Variants in RAP1A observed in about 807,000 individuals in gnomAD.
RAP1A encodes the protein RAP1A, member of RAS oncogene family.
Under a neutral mutation model 26.4 loss-of-function variants are expected in RAP1A, and 6 were observed. The ratio of observed to expected loss-of-function variants is 0.23; its 90% CI spans 0.12 to 0.45. RAP1A has a LOEUF of 0.45. RAP1A is among the 20% of genes least tolerant of loss of function. The probability of loss-of-function intolerance (pLI) is 0.99; values close to 1 mark genes in which losing one functional copy is unlikely to be tolerated. For synonymous variants in RAP1A, 73 were observed against 79.4 expected (o/e 0.92, Z 0.43); for missense variants, 121 against 217.2 (o/e 0.56, Z 2.78).
intron 1 of RAP1A, among the ~76,000 whole-genome samples, chr1:111,622,627 G>A (rs1407463452): frequency 6.6e-6 from 1 of 152,128 alleles, no homozygotes; most frequent in Non-Finnish European, 1.5e-5. Flanking sequence ...ACATTCCATG[G>A]TAATGTCGCT....
chr1:111,651,840 T>G (rs1490907969), intron 1 of RAP1A, among the ~76,000 whole-genome samples: 1 of 152,050 alleles, frequency 6.6e-6, no homozygotes, highest in Non-Finnish European at 1.5e-5. Context: ...TCTCGATCTC[T>G]TGACCTCATG....
chr1:111,626,381 ACAC>A (rs1659398057), intron 1 of RAP1A, among the ~76,000 whole-genome samples: 1 of 151,050 alleles, frequency 6.6e-6, no homozygotes, highest in Non-Finnish European at 1.5e-5. Context: ...ACACACACAC[ACAC>A]ACACACACAC....
chr1:111,573,998 C>G (rs1025935069), intron 1 of RAP1A, among the ~76,000 whole-genome samples: 1 of 152,064 alleles, frequency 6.6e-6, no homozygotes, highest in Non-Finnish European at 1.5e-5. Flanking sequence ...TTGTTGCAAT[C>G]GCTTTTGACA....
intron 1 of RAP1A, among the ~76,000 whole-genome samples, chr1:111,594,196 G>C (rs1658519878): frequency 6.6e-6 from 1 of 152,170 alleles, no homozygotes; most frequent in Non-Finnish European, 1.5e-5. Flanking sequence ...TTGATCTTGA[G>C]AGGAAGTGGG....
chr1:111,671,018 T>C (rs72697809), intron 1 of RAP1A, among the ~76,000 whole-genome samples: 19,301 of 152,276 alleles, frequency 0.13, 1,552 homozygotes, highest in South Asian at 0.18. Flanking sequence ...TTACTAAAGA[T>C]TGTGGTAAAG....
In RAP1A at chr1:111,699,523, G is replaced by A. The variant is rs190879209; in HGVS notation, c.183+2026G>A. On this transcript the variant is annotated intron_variant, in intron 4 of 7. Coordinates refer to ENST00000369709, the MANE Select transcript of RAP1A (RefSeq NM_002884.4). ...GTCACCCAGGCTGGAGTGCAGTGGTGTGAACACAGATCACTGCAGCTTCAA... is the reference window on the plus strand; with the variant it reads ...GTCACCCAGGCTGGAGTGCAGTGGTATGAACACAGATCACTGCAGCTTCAA... Among the ~76,000 whole-genome samples the A allele has an allele frequency of 4.2e-5, 6 of 142,242 alleles. No homozygotes were observed. In the East Asian group the frequency reaches 6.3e-4, roughly 15 times the overall value. The allele number at this position is 142,242 out of a possible 152,430, so 93.3% of individuals were successfully genotyped here.
intron 1 of RAP1A, among the ~76,000 whole-genome samples, chr1:111,566,125 T>A (rs903292353): frequency 5.9e-5 from 9 of 151,980 alleles, no homozygotes; most frequent in Admixed American, 1.3e-4. Context: ...TGAACTTCAT[T>A]GTGAGTATAA....
intron 1 of RAP1A, among the ~76,000 whole-genome samples, chr1:111,571,778 A>G (rs1333323731): frequency 6.6e-6 from 1 of 152,246 alleles, no homozygotes; most frequent in Non-Finnish European, 1.5e-5. Flanking sequence ...TCATTCTGCT[A>G]GAAGAACATA....
At chr1:111,686,818 C>T (rs1661496704) in intron 1 of RAP1A, 1 of 151,288 alleles carries the variant, frequency 6.6e-6, no homozygotes, top group African/African-American at 2.4e-5. Context: ...ATCCAGGGTT[C>T]CCAATACTCT....
chr1:111,593,589 T>C (rs1036684774), intron 1 of RAP1A, among the ~76,000 whole-genome samples: 3 of 147,820 alleles, frequency 2.0e-5, no homozygotes, highest in African/African-American at 5.0e-5. Context: ...TGCTGCCCCA[T>C]AGGGCCAGCT....
intron 1 of RAP1A, among the ~76,000 whole-genome samples, chr1:111,620,205 G>T (rs1156881461): frequency 2.0e-5 from 3 of 152,208 alleles, no homozygotes; most frequent in Non-Finnish European, 2.9e-5. Flanking sequence ...CGTCGGGAGG[G>T]GCCCCGGCCG....
intron 1 of RAP1A, among the ~76,000 whole-genome samples, chr1:111,687,112 C>T (rs1661507606): frequency 6.6e-6 from 1 of 151,830 alleles, no homozygotes; most frequent in Admixed American, 6.6e-5. Context: ...TCAATTCTAC[C>T]ATCTTGCCTT....
At chr1:111,592,071 A>G (rs1047960097) in intron 1 of RAP1A, among the ~76,000 whole-genome samples, 1 of 152,206 alleles carries the variant, frequency 6.6e-6, no homozygotes, top group Non-Finnish European at 1.5e-5. Context: ...TAAAGAATAC[A>G]TAATTAGAAA....
rs1662497726 is a variant in RAP1A, at chr1:111,715,124, AG to A, written c.*2725del. 6.6e-6 allele frequency: 1 copy of A among 150,904 alleles called. No individual in the cohort carries two copies. Among genetic ancestry groups the A allele is most frequent in the African/African-American group, 2.4e-5 (1 of 40,964 alleles). The allele number at this position is 150,904 out of a possible 1,614,324, so 9.3% of individuals were successfully genotyped here. A position where few individuals can be genotyped will look rare whatever the true frequency, so the allele number is the denominator to read the frequency against. On this transcript the variant is annotated 3_prime_UTR_variant, in exon 8 of 8. Transcript: ENST00000369709. ...GAGATGGAGTCTCGCCCTGTCGCCC[AG>A]GCTAGAGTGCAATGGCTCAGTCTCC...
At position 111,659,681 on chromosome 1, in the gene RAP1A, CTTG is replaced by C. The variant is rs144306938; in HGVS notation, c.-27-31647_-27-31645del. On this transcript the variant is annotated intron_variant, in intron 1 of 7. Coordinates refer to ENST00000369709, the MANE Select transcript of RAP1A (RefSeq NM_002884.4). Reference sequence around the variant, plus strand: ...TACTGTTTTCTATTCATTGCCCTCCCTTGTTGTTTCCTTTTTTTGCCTTCTGAT... The same window carrying C: ...TACTGTTTTCTATTCATTGCCCTCCCTTGTTTCCTTTTTTTGCCTTCTGAT... 8.1e-3 allele frequency among the ~76,000 whole-genome samples: 1,230 copies of C among 152,138 alleles called. 15 individuals are homozygous for C. The highest frequency in any genetic ancestry group is 0.027 in the African/African-American group (1,140 of 41,516).
At chr1:111,642,730 AC>A in intron 1 of RAP1A, among the ~76,000 whole-genome samples, 1 of 144,048 alleles carries the variant, frequency 6.9e-6, no homozygotes, top group South Asian at 2.2e-4. Flanking sequence ...CTCGTGATCC[AC>A]CCGCCTTGGC....
chr1:111,713,524 G>T lies in RAP1A; in HGVS notation c.*1123G>T, dbSNP rs569383779. ...TTTGCATTGTTAATTTGTTGGGTGT[G>T]AGTCCACCAATGAAGTGTTATGTGA... On this transcript the variant is annotated 3_prime_UTR_variant, in exon 8 of 8. Coordinates refer to ENST00000369709, the MANE Select transcript of RAP1A (RefSeq NM_002884.4). 2.0e-5 allele frequency: 3 copies of T among 152,278 alleles called. No homozygotes were observed. The highest frequency in any genetic ancestry group is 7.2e-5 in the African/African-American group (3 of 41,564). The allele number at this position is 152,278 out of a possible 1,614,324, so 9.4% of individuals were successfully genotyped here. A position where few individuals can be genotyped will look rare whatever the true frequency, so the allele number is the denominator to read the frequency against.
At chr1:111,625,690 G>A (rs1659376092) in intron 1 of RAP1A, among the ~76,000 whole-genome samples, 1 of 152,156 alleles carries the variant, frequency 6.6e-6, no homozygotes, top group Admixed American at 6.6e-5. Flanking sequence ...CAAATCTATT[G>A]ATACCTTTGG....
At chr1:111,618,809 C>T (rs1243145525), upstream of RAP1A, among the ~76,000 whole-genome samples, 3 of 149,218 alleles carry the variant, frequency 2.0e-5, no homozygotes, top group Non-Finnish European at 4.5e-5. Context: ...CCATTCCAAT[C>T]AAAATGTATC....
Sources: allele counts gnomAD v4.1 joint callset (sites outside exome capture counted in the v4.1 genomes callset), GRCh38; gene constraint gnomAD v4.1.1; transcripts MANE v1.5; gene names NCBI Gene and HGNC (gene_info 2026-07-23, HGNC 2026-07-21).